The following CCDC80 variants were observed in gnomAD, a reference collection of about 807,000 sequenced individuals.
CCDC80 encodes the protein coiled-coil domain-containing protein 80.
Under a neutral mutation model 78.7 loss-of-function variants are expected in CCDC80, and 49 were observed. The observed-to-expected ratio is 0.62, with a 90% CI of 0.50 to 0.79. The LOEUF (loss-of-function observed/expected upper bound fraction) is 0.79. Ranked by LOEUF, CCDC80 falls within the 30% of genes least tolerant of loss-of-function variation. The pLI is 0.00. For missense variants in CCDC80, 1,205 were observed against 1,198.6 expected, an observed-to-expected ratio of 1.01 and a Z score of -0.08; for synonymous variants, 488 against 447.0, an observed-to-expected ratio of 1.09 and a Z score of -1.16.
chr3:112,605,420 G>C lies in CCDC80; in HGVS notation c.2850C>G (p.Tyr950Ter). The change falls in exon 8 of 8, where the codon TAC becomes TAG. Residue 950 changes from tyrosine (Y) to a stop codon, truncating the protein, a stop_gained. Coordinates refer to ENST00000206423, the MANE Select transcript of CCDC80 (RefSeq NM_199511.3). LOFTEE classifies it high-confidence loss of function. ...GTCTAAGGTTACATATTTCTGCTCA[G>C]TAAGGGTATCCATGGTGATAACTCT... is the stretch of plus-strand genomic sequence containing the variant. ...HHESYHHGYPY is the reference protein window; with the variant it reads ...HHESYHHGYP The C allele has an allele frequency of 6.2e-7, 1 of 1,609,280 alleles. No homozygotes were observed. Among genetic ancestry groups the C allele is most frequent in the South Asian group, 1.1e-5 (1 of 90,716 alleles).
chr3:112,636,750 C>T (rs1019466666), intron 2 of CCDC80, among the ~76,000 whole-genome samples: 7 of 152,134 alleles, frequency 4.6e-5, no homozygotes, highest in African/African-American at 1.4e-4. Context: ...TGTGCAGTTA[C>T]CTTGTGCCTT....
At chr3:112,626,504 A>G (rs1935977389) in intron 3 of CCDC80, among the ~76,000 whole-genome samples, 3 of 152,036 alleles carry the variant, frequency 2.0e-5, no homozygotes. Context: ...GGTATTTTAG[A>G]CTGATTTGTA....
intron 5 of CCDC80, among the ~76,000 whole-genome samples, chr3:112,615,700 A>G (rs140355887): frequency 1.1e-4 from 17 of 152,270 alleles, no homozygotes; most frequent in African/African-American, 4.1e-4. Context: ...TTGCTGATAA[A>G]ACAGTTTCCA....
rs1259898499 is a variant in CCDC80 at position 112,601,575 on chromosome 3, T to TG, written c.*3841dup. 1 of 151,316 alleles carries TG rather than the reference T, an allele frequency of 6.6e-6. No homozygotes were observed. The highest frequency in any genetic ancestry group is 6.6e-5 in the Admixed American group (1 of 15,182). 9.4% of individuals were successfully genotyped at this position (151,316 alleles called of 1,614,324 possible). On this transcript the variant is annotated 3_prime_UTR_variant, in exon 8 of 8. Transcript: ENST00000206423. Reference sequence around the variant, plus strand: ...AGCATGGCTGTGGTCCCAGCTAACTTGGGATGCTGAGGTGGGAGGATTGTT... The same window carrying TG: ...AGCATGGCTGTGGTCCCAGCTAACTTGGGGATGCTGAGGTGGGAGGATTGTT...
chr3:112,633,842 A>T (rs563857581), intron 2 of CCDC80, among the ~76,000 whole-genome samples: 2 of 152,342 alleles, frequency 1.3e-5, no homozygotes, highest in Non-Finnish European at 2.9e-5. Context: ...AACCATTTCC[A>T]GTCCCCTCTT....
At chr3:112,629,549 A>G (rs544282866) in intron 3 of CCDC80, among the ~76,000 whole-genome samples, 1 of 152,310 alleles carries the variant, frequency 6.6e-6, no homozygotes, top group South Asian at 2.1e-4. Context: ...CATATGTAAA[A>G]TTGCGAAAAC....
intron 5 of CCDC80, among the ~76,000 whole-genome samples, chr3:112,613,679 A>T (rs1487244255): frequency 6.6e-6 from 1 of 152,170 alleles, no homozygotes; most frequent in African/African-American, 2.4e-5. Context: ...TGTAGCTGCC[A>T]GTCTCACGAC....
In CCDC80 at chr3:112,601,317, TTTA is replaced by T. The variant is rs2107464561; in HGVS notation, c.*4097_*4099del. 1.3e-5 allele frequency: 2 copies of T among 152,324 alleles called. No individual in the cohort carries two copies. Among genetic ancestry groups the T allele is most frequent in the African/African-American group, 4.8e-5 (2 of 41,570 alleles). The allele number at this position is 152,324 out of a possible 1,614,324, so 9.4% of individuals were successfully genotyped here. On this transcript the variant is annotated 3_prime_UTR_variant, in exon 8 of 8. Transcript: ENST00000206423. ...AATATTCACATGTGGTTTGAATGCATTTATTAATCTCTGTACTTATTAGAATTA... is the reference window on the plus strand; with the variant it reads ...AATATTCACATGTGGTTTGAATGCATTTAATCTCTGTACTTATTAGAATTA...
chr3:112,610,187 A>G (rs78427541), intron 5 of CCDC80, 106 bp from the exon 6 acceptor site: 1 of 502,636 alleles, frequency 2.0e-6, no homozygotes, highest in Non-Finnish European at 3.2e-6. Context: ...CTGTGCCCAG[A>G]AAAAAAAAAA....
Position 112,605,532 on chromosome 3 carries a change from C to A in CCDC80, c.2738G>T (p.Cys913Phe). The change falls in exon 8 of 8, where the codon TGC (cysteine) becomes TTC (phenylalanine). Residue 913 changes from cysteine (C) to phenylalanine (F), a missense_variant. Physicochemically the swap from Cys to Phe is radical, Grantham distance 205. Transcript: ENST00000206423. ...ATAGCCTGCATACTCATCTTCTGGGCAGCGCATCCCCAGTGACTGCTGAAT... is the reference window on the plus strand; with the variant it reads ...ATAGCCTGCATACTCATCTTCTGGGAAGCGCATCCCCAGTGACTGCTGAAT... ...MAIQQSLGMRCPEDEYAGYGY... is the reference protein window; with the variant it reads ...MAIQQSLGMRFPEDEYAGYGY... 1 of 1,614,166 alleles carries A rather than the reference C, an allele frequency of 6.2e-7. No homozygotes were observed. Among genetic ancestry groups the A allele is most frequent in the Non-Finnish European group, 8.5e-7 (1 of 1,180,032 alleles).
rs1367098545 is a variant in CCDC80, at chr3:112,640,060, G to T, written c.-11-144C>A. 4.3e-6 allele frequency: 6 copies of T among 1,393,540 alleles called. No individual in the cohort carries two copies. In the East Asian group the frequency reaches 1.5e-4, roughly 35 times the overall value. The allele number at this position is 1,393,540 out of a possible 1,614,324, so 86.3% of individuals were successfully genotyped here. ...AAGGTTGGTTAGAGAGAAGGAGGGA[G>T]GTCAGGAGATGGAAAATGGGATGAG... On this transcript the variant is annotated intron_variant, in intron 1 of 7. Coordinates refer to ENST00000206423, the MANE Select transcript of CCDC80 (RefSeq NM_199511.3).
chr3:112,629,935 G>T (rs533741840), intron 3 of CCDC80, among the ~76,000 whole-genome samples, 178 bp downstream of exon 3: 1 of 152,128 alleles, frequency 6.6e-6, no homozygotes, highest in Admixed American at 6.5e-5. Context: ...AAACTTAAAC[G>T]AGAACCATCC....
rs770890848 is a variant in CCDC80 at position 112,630,165 on chromosome 3, G to C, written c.1983C>G (p.Thr661=). The change falls in exon 3 of 8, where the codon ACC becomes ACG. Residue 661 remains threonine, a synonymous_variant. Coordinates refer to ENST00000206423, the MANE Select transcript of CCDC80 (RefSeq NM_199511.3). The stretch of plus-strand genomic sequence containing the variant: ...TGCTGTTGTTGACAGGGCCGAAGAT[G>C]GTGATCACAGAGATTTTCCTGGTAG... ...KMATRKISVI[T]IFGPVNNSTM... 1.9e-5 allele frequency: 30 copies of C among 1,613,792 alleles called. No homozygotes were observed. The highest frequency in any genetic ancestry group is 2.4e-5 in the Non-Finnish European group (28 of 1,179,848).
At chr3:112,632,202 AT>A (rs1936113217) in intron 2 of CCDC80, among the ~76,000 whole-genome samples, 1 of 152,082 alleles carries the variant, frequency 6.6e-6, no homozygotes, top group African/African-American at 2.4e-5. Context: ...CCAAAGTTTT[AT>A]TTTAAGTTGG....
chr3:112,618,864 A>C, intron 4 of CCDC80, 104 bp downstream of exon 4: 1 of 1,269,462 alleles, frequency 7.9e-7, no homozygotes, highest in Non-Finnish European at 1.1e-6. Context: ...CCATTTATAA[A>C]ATAATTTATG....
chr3:112,632,221 T>C (rs1347714022), intron 2 of CCDC80, among the ~76,000 whole-genome samples: 3 of 152,182 alleles, frequency 2.0e-5, no homozygotes, highest in African/African-American at 7.2e-5. Flanking sequence ...TGGTATATTT[T>C]AGGTCTTTTT....
chr3:112,612,973 C>A (rs1033387806), intron 5 of CCDC80, among the ~76,000 whole-genome samples: 3 of 151,210 alleles, frequency 2.0e-5, no homozygotes, highest in Admixed American at 2.0e-4. Flanking sequence ...CTCTATAGGA[C>A]CAGAATAACT....
At position 112,605,146 on chromosome 3, in the gene CCDC80, A is replaced by G; in HGVS notation, c.*271T>C. 3.4e-6 allele frequency: 1 copy of G among 298,316 alleles called. No homozygotes were observed. The highest frequency in any genetic ancestry group is 6.1e-6 in the Non-Finnish European group (1 of 164,132). The allele number at this position is 298,316 out of a possible 1,614,324, so 18.5% of individuals were successfully genotyped here. A position where few individuals can be genotyped will look rare whatever the true frequency, so the allele number is the denominator to read the frequency against. On this transcript the variant is annotated 3_prime_UTR_variant, in exon 8 of 8. Coordinates refer to ENST00000206423, the MANE Select transcript of CCDC80 (RefSeq NM_199511.3). ...ATATGCCAAATAAGGTCCTTCATAT[A>G]AGAAAAGGAAAATAATATCAATTTT...
intron 2 of CCDC80, among the ~76,000 whole-genome samples, chr3:112,632,511 G>C (rs1290878972): frequency 1.3e-5 from 2 of 152,086 alleles, no homozygotes; most frequent in Non-Finnish European, 2.9e-5. Flanking sequence ...CTTTGCCATA[G>C]ACCCTTACAA....
Sources: gnomAD v4.1 joint callset for allele counts (sites outside exome capture counted in the v4.1 genomes callset) on GRCh38, gnomAD v4.1.1 for gene constraint, MANE v1.5 for transcripts, NCBI Gene and HGNC (gene_info 2026-07-23, HGNC 2026-07-21) for gene names.